ANTXR2: variants seen among roughly 807,000 people sequenced by gnomAD.
ANTXR2 encodes anthrax toxin receptor 2.
A neutral mutation model predicts 73.7 loss-of-function variants in ANTXR2; 44 were observed. That is an observed-to-expected ratio of 0.60 (90% CI 0.47 to 0.77). ANTXR2 has a LOEUF of 0.77. ANTXR2 is among the 30% of genes least tolerant of loss of function. The pLI is 0.00. For synonymous variants in ANTXR2, 217 were observed against 205.9 expected, an observed-to-expected ratio of 1.05 and a Z score of -0.46; for missense variants, 604 against 592.5, an observed-to-expected ratio of 1.02 and a Z score of -0.20.
intron 16 of ANTXR2, among the ~76,000 whole-genome samples, chr4:79,932,817 A>AAC (rs1410267943): frequency 6.6e-6 from 1 of 151,058 alleles, no homozygotes; most frequent in Admixed American, 6.6e-5. Flanking sequence ...AAAAAAAAAA[A>AAC]AATTAGCATG....
At chr4:80,006,861 G>A (rs1731325273) in intron 12 of ANTXR2, among the ~76,000 whole-genome samples, 1 of 152,116 alleles carries the variant, frequency 6.6e-6, no homozygotes. Context: ...TTTAAAAAAA[G>A]GAGGGGAAAT....
At chr4:79,945,071 T>A (rs151044788) in intron 16 of ANTXR2, among the ~76,000 whole-genome samples, 1 of 152,104 alleles carries the variant, frequency 6.6e-6, no homozygotes, top group Non-Finnish European at 1.5e-5. Flanking sequence ...GATTCTTCTA[T>A]ACCAGAGTTA....
rs557331606 is a variant in ANTXR2 at position 80,048,482 on chromosome 4, G to A, written c.636+5790C>T. ...CCTGAAAATTGGTTTCCAGTTTTGA[G>A]TAAGTCCTACCATTTTTGTTTCTCC... On this transcript the variant is annotated intron_variant, in intron 7 of 16. Transcript: ENST00000403729. Among the ~76,000 whole-genome samples, 248 of 151,732 alleles carry A rather than the reference G, an allele frequency of 1.6e-3. 2 individuals are homozygous for A. Among genetic ancestry groups the A allele is most frequent in the Middle Eastern group, 6.8e-3 (2 of 292 alleles).
intron 16 of ANTXR2, among the ~76,000 whole-genome samples, chr4:79,948,909 A>G (rs781229701): frequency 1.3e-5 from 2 of 152,102 alleles, no homozygotes; most frequent in African/African-American, 2.4e-5. Context: ...TGATTTAAAC[A>G]CTTTGAATTT....
At chr4:79,977,422 G>A (rs1729681869) in intron 16 of ANTXR2, 199 bp downstream of exon 16, 1 of 1,072,480 alleles carries the variant, frequency 9.3e-7, no homozygotes, top group African/African-American at 1.6e-5. Context: ...AAAGGGAATG[G>A]TGTAAAAATG....
rs988403198 is a variant in ANTXR2, at chr4:79,927,059, G to A, written c.1429-19592C>T. 5.3e-5 allele frequency among the ~76,000 whole-genome samples: 7 copies of A among 133,186 alleles called. No individual in the cohort carries two copies. In the South Asian group the frequency reaches 8.2e-4, roughly 16 times the overall value. The allele number at this position is 133,186 out of a possible 152,430, so 87.4% of individuals were successfully genotyped here. A position where few individuals can be genotyped will look rare whatever the true frequency, so the allele number is the denominator to read the frequency against. Reference sequence around the variant, plus strand: ...TGTGTATATATATGTGCGTGTGTGTGTGTATATATATATATATATGAATAT... The same window carrying A: ...TGTGTATATATATGTGCGTGTGTGTATGTATATATATATATATATGAATAT... On this transcript the variant is annotated intron_variant, in intron 16 of 16. Transcript: ENST00000403729.
chr4:80,031,853 T>C, intron 9 of ANTXR2, among the ~76,000 whole-genome samples, 161 bp from the exon 10 acceptor site: 1 of 151,154 alleles, frequency 6.6e-6, no homozygotes. Context: ...GAATGAAAAA[T>C]GGAAAGAGAT....
chr4:79,976,812 T>C lies in ANTXR2; in HGVS notation c.1428+809A>G, dbSNP rs566500645. Among the ~76,000 whole-genome samples the C allele has an allele frequency of 2.6e-5, 4 of 152,322 alleles. No homozygotes were observed. The South Asian group carries it at 6.2e-4, about 24-fold the overall frequency. On this transcript the variant is annotated intron_variant, in intron 16 of 16. Transcript: ENST00000403729. ...CCTTCCTGCCCTGCATCAGATTCCT[T>C]CTTAGATGAAGTTAAGAACTCTCCC...
intron 1 of ANTXR2, 84 bp downstream of exon 1, chr4:80,072,325 G>C (rs114002475): frequency 2.1e-6 from 3 of 1,411,986 alleles, no homozygotes; most frequent in African/African-American, 1.5e-5. Flanking sequence ...ACTCCCCGGG[G>C]TGCGCACACG....
At chr4:80,024,758 C>A in intron 10 of ANTXR2, 2 of 415,798 alleles carry the variant, frequency 4.8e-6, no homozygotes, top group South Asian at 1.7e-5. Context: ...GACCCCACCT[C>A]AAAAAGAAAA....
intron 16 of ANTXR2, among the ~76,000 whole-genome samples, chr4:79,920,042 T>C (rs1727534120): frequency 6.6e-6 from 1 of 151,362 alleles, no homozygotes; most frequent in Non-Finnish European, 1.5e-5. Flanking sequence ...TAATGCTAAG[T>C]GGGAATTATA....
chr4:80,002,424 G>C (rs1385626527), intron 12 of ANTXR2, among the ~76,000 whole-genome samples: 1 of 152,236 alleles, frequency 6.6e-6, no homozygotes, highest in South Asian at 2.1e-4. Context: ...ATGAAATAAA[G>C]ACTTAAACGT....
rs139306412 is a variant in ANTXR2 at position 80,009,007 on chromosome 4, T to G, written c.946-391A>C. Reference sequence around the variant, plus strand: ...AGGCAGAATCCTGCAGACTTTTTGATGGTGAAACACAATTTATTGCATGTA... The same window carrying G: ...AGGCAGAATCCTGCAGACTTTTTGAGGGTGAAACACAATTTATTGCATGTA... On this transcript the variant is annotated intron_variant, in intron 11 of 16. Coordinates refer to ENST00000403729, the MANE Select transcript of ANTXR2 (RefSeq NM_058172.6). Among the ~76,000 whole-genome samples, 37 of 152,306 alleles carry G rather than the reference T, an allele frequency of 2.4e-4. 1 individual carries two copies. The highest frequency in any genetic ancestry group is 8.4e-4 in the African/African-American group (35 of 41,584).
chr4:79,927,004 C>CAT, intron 16 of ANTXR2, among the ~76,000 whole-genome samples: 2 of 138,422 alleles, frequency 1.4e-5, no homozygotes, highest in Middle Eastern at 4.1e-3. Context: ...TATATATACA[C>CAT]GTGTGCATAT....
At chr4:80,049,959 CTG>C (rs1386780149) in intron 7 of ANTXR2, among the ~76,000 whole-genome samples, 4 of 151,690 alleles carry the variant, frequency 2.6e-5, no homozygotes, top group Non-Finnish European at 5.9e-5. Context: ...CACCCTGTTC[CTG>C]ACATGATGCT....
At chr4:80,055,117 CA>C in intron 6 of ANTXR2, 32 bp downstream of exon 6, 1 of 1,517,278 alleles carries the variant, frequency 6.6e-7, no homozygotes, top group East Asian at 2.5e-5. Flanking sequence ...TTATGTGGTT[CA>C]GATTAAAGTT....
At chr4:80,014,181 T>C (rs563559926) in intron 11 of ANTXR2, among the ~76,000 whole-genome samples, 73 of 152,228 alleles carry the variant, frequency 4.8e-4, no homozygotes, top group African/African-American at 1.6e-3. Flanking sequence ...CAGCCTTACC[T>C]ATTTCTTCTG....
At chr4:79,932,648 T>G (rs912332420) in intron 16 of ANTXR2, among the ~76,000 whole-genome samples, 7 of 151,498 alleles carry the variant, frequency 4.6e-5, no homozygotes, top group Non-Finnish European at 1.0e-4. Flanking sequence ...AAAAATTAGA[T>G]GGGCATGATG....
chr4:80,044,638 G>C (rs1208653493), intron 7 of ANTXR2, among the ~76,000 whole-genome samples: 1 of 151,748 alleles, frequency 6.6e-6, no homozygotes, highest in African/African-American at 2.4e-5. Context: ...CACCCAGCTT[G>C]ACCAAAACAA....
Sources: gnomAD v4.1 joint callset for allele counts (sites outside exome capture counted in the v4.1 genomes callset) on GRCh38, gnomAD v4.1.1 for gene constraint, MANE v1.5 for transcripts, NCBI Gene and HGNC (gene_info 2026-07-23, HGNC 2026-07-21) for gene names.